ABCB10: variants seen among roughly 807,000 people sequenced by gnomAD.
The protein encoded by ABCB10 is ATP-binding cassette sub-family B member 10, mitochondrial.
ABCB10 carries 54 observed loss-of-function variants against 65.4 expected under a neutral mutation model. That is an observed-to-expected ratio of 0.83 (90% CI 0.66 to 1.04). ABCB10 has a LOEUF of 1.04. Ranked by LOEUF, ABCB10 falls within the 50% of genes least tolerant of loss-of-function variation. ABCB10 has a pLI of 0.00. For missense variants in ABCB10, 846 were observed against 976.6 expected (o/e 0.87, Z 1.78); for synonymous variants, 418 against 406.5 (o/e 1.03, Z -0.34).
chr1:229,548,956 C>T (rs1663035206), intron 2 of ABCB10, among the ~76,000 whole-genome samples: 1 of 152,164 alleles, frequency 6.6e-6, no homozygotes, highest in African/African-American at 2.4e-5. Flanking sequence ...CCACGGCACC[C>T]AGCCCGAGGG....
intron 6 of ABCB10, among the ~76,000 whole-genome samples, chr1:229,535,483 A>G (rs991822811): frequency 3.4e-4 from 52 of 152,250 alleles, no homozygotes; most frequent in Admixed American, 9.2e-4. Flanking sequence ...CAAATGCTAC[A>G]TACTGCAAGA....
Position 229,530,386 on chromosome 1 carries a change from T to C in ABCB10, c.1458A>G (p.Lys486=). The change falls in exon 8 of 13, where the codon AAA becomes AAG. Residue 486 remains lysine (K), a synonymous_variant. Coordinates refer to ENST00000344517, the MANE Select transcript of ABCB10 (RefSeq NM_012089.3). ...PFNEGVILNE[K]SFQGALEFKN... Reference sequence around the variant, plus strand: ...TAAACTCCAAAGCACCCTGGAAGCTTTTCTCATTTAAGATGACCCCCTCTG... The same window carrying C: ...TAAACTCCAAAGCACCCTGGAAGCTCTTCTCATTTAAGATGACCCCCTCTG... The C allele has an allele frequency of 1.9e-6, 3 of 1,614,094 alleles. No individual in the cohort carries two copies. The highest frequency in any genetic ancestry group is 2.5e-6 in the Non-Finnish European group (3 of 1,180,014).
At chr1:229,550,690 TA>T (rs11301432) in intron 1 of ABCB10, among the ~76,000 whole-genome samples, 43,087 of 138,366 alleles carry the variant, frequency 0.31, 7,740 homozygotes, top group African/African-American at 0.53. Flanking sequence ...CTGTCTCTAC[TA>T]AAAAAAAAAA....
chr1:229,548,148 T>C (rs950190670), intron 2 of ABCB10, among the ~76,000 whole-genome samples: 13 of 151,872 alleles, frequency 8.6e-5, no homozygotes, highest in Non-Finnish European at 1.9e-4. Context: ...ACTACAGATG[T>C]CCGCCACTAC....
chr1:229,541,046 G>A (rs978617026), intron 4 of ABCB10, among the ~76,000 whole-genome samples: 1 of 152,106 alleles, frequency 6.6e-6, no homozygotes, highest in African/African-American at 2.4e-5. Flanking sequence ...AAAAACAGGA[G>A]TATATGTAGA....
chr1:229,536,205 G>A (rs115308917), intron 6 of ABCB10, among the ~76,000 whole-genome samples: 2,459 of 150,938 alleles, frequency 0.016, 30 homozygotes, highest in Middle Eastern at 0.028. Context: ...AAAGAAAGAA[G>A]AAAAAAAAAG....
intron 7 of ABCB10, among the ~76,000 whole-genome samples, chr1:229,531,174 G>A (rs1316738795): frequency 6.6e-6 from 1 of 152,154 alleles, no homozygotes; most frequent in Non-Finnish European, 1.5e-5. Flanking sequence ...TCCAGCCAAT[G>A]AGTACCAGCC....
rs1662462110 is a variant in ABCB10 at position 229,527,082 on chromosome 1, A to G, written c.1725+147T>C. 3 of 720,892 alleles carry G rather than the reference A, an allele frequency of 4.2e-6. No individual in the cohort carries two copies. The East Asian group carries it at 7.6e-5, about 18-fold the overall frequency. The allele number at this position is 720,892 out of a possible 1,614,324, so 44.7% of individuals were successfully genotyped here. On this transcript the variant is annotated intron_variant, in intron 9 of 12. Transcript: ENST00000344517. ...GAAACAGCGCTACTTGCAAACCTAA[A>G]CAACCTGCCATGTGAGATGAGCTTA...
At chr1:229,541,329 C>A (rs967480909) in intron 4 of ABCB10, among the ~76,000 whole-genome samples, 1 of 152,078 alleles carries the variant, frequency 6.6e-6, no homozygotes, top group Non-Finnish European at 1.5e-5. Flanking sequence ...CAGGTTCAAG[C>A]GATTCTCCTG....
intron 6 of ABCB10, among the ~76,000 whole-genome samples, chr1:229,537,049 G>C (rs775200631): frequency 2.6e-5 from 4 of 152,154 alleles, no homozygotes; most frequent in Non-Finnish European, 4.4e-5. Flanking sequence ...GGCACAGGAG[G>C]ACATATATTG....
Position 229,518,244 on chromosome 1 carries a change from G to A in ABCB10, c.2152C>T (p.Leu718=), listed in dbSNP as rs911596560. ...TATATCCCATTTGGTTTTGAAAGCA[G>A]CTCTTCATGTTTTCCATATTCAGTA... ...KITEYGKHEE[L]LSKPNGIYRK... Residue 718 remains leucine, a synonymous_variant, in exon 13 of 13, where the codon CTG becomes TTG. Transcript: ENST00000344517. 1.3e-5 allele frequency: 21 copies of A among 1,613,960 alleles called. No homozygotes were observed. Among genetic ancestry groups the A allele is most frequent in the Non-Finnish European group, 1.8e-5 (21 of 1,180,010 alleles).
rs982826788 is a variant in ABCB10 at position 229,558,173 on chromosome 1, G to A, written c.480C>T (p.Leu160=). Reference sequence around the variant, plus strand: ...GGCGCTCAGGGTACGCCAGCCCCAGGAGCTTCCGGGCCTCCGGGAGTCCGG... The same window carrying A: ...GGCGCTCAGGGTACGCCAGCCCCAGAAGCTTCCGGGCCTCCGGGAGTCCGG... ...AAAGLPEARK[L]LGLAYPERRR... The change falls in exon 1 of 13, where the codon CTC becomes CTT. Residue 160 remains leucine, a synonymous_variant. Coordinates refer to ENST00000344517, the MANE Select transcript of ABCB10 (RefSeq NM_012089.3). 4.4e-5 allele frequency: 63 copies of A among 1,436,084 alleles called. No homozygotes were observed. Among genetic ancestry groups the A allele is most frequent in the Non-Finnish European group, 5.6e-5 (62 of 1,098,038 alleles). 89.0% of individuals were successfully genotyped at this position (1,436,084 alleles called of 1,614,324 possible).
At chr1:229,543,242 G>A (rs138016904) in intron 3 of ABCB10, among the ~76,000 whole-genome samples, 255 of 152,072 alleles carry the variant, frequency 1.7e-3, no homozygotes, top group African/African-American at 5.9e-3. Context: ...TCAGTGGACT[G>A]AAGTCAGCAG....
chr1:229,523,440 A>G (rs1216262351), intron 10 of ABCB10, among the ~76,000 whole-genome samples: 1 of 152,330 alleles, frequency 6.6e-6, no homozygotes, highest in East Asian at 1.9e-4. Context: ...TATTTCATAT[A>G]AGAGAGGTTC....
At chr1:229,552,725 T>C (rs1415657412) in intron 1 of ABCB10, among the ~76,000 whole-genome samples, 1 of 152,020 alleles carries the variant, frequency 6.6e-6, no homozygotes, top group Non-Finnish European at 1.5e-5. Context: ...CACTTCAGAG[T>C]CCTCACCATT....
intron 10 of ABCB10, among the ~76,000 whole-genome samples, chr1:229,525,463 T>TTTCCACATA (rs1156485897): frequency 1.3e-5 from 2 of 152,134 alleles, no homozygotes; most frequent in Non-Finnish European, 2.9e-5. Flanking sequence ...ACTGGGGAAT[T>TTTCCACATA]TTCCACATAT....
chr1:229,529,795 G>A (rs952158629), intron 8 of ABCB10, among the ~76,000 whole-genome samples: 2 of 151,660 alleles, frequency 1.3e-5, no homozygotes, highest in Non-Finnish European at 2.9e-5. Flanking sequence ...TCACTCCTGC[G>A]CCCAGCACGC....
At chr1:229,522,790 G>A (rs1187283991) in intron 10 of ABCB10, among the ~76,000 whole-genome samples, 7 of 152,200 alleles carry the variant, frequency 4.6e-5, no homozygotes, top group Non-Finnish European at 1.0e-4. Flanking sequence ...AAATGTCTGG[G>A]AGCAAAGGAC....
rs1230254939 is a variant in ABCB10 at position 229,517,179 on chromosome 1, A to T, written c.*1000T>A. 2.6e-5 allele frequency: 4 copies of T among 152,222 alleles called. No homozygotes were observed. The highest frequency in any genetic ancestry group is 4.4e-5 in the Non-Finnish European group (3 of 68,024). 9.4% of individuals were successfully genotyped at this position (152,222 alleles called of 1,614,324 possible). ...GGCTTATTAATATCTTCTTTTCAGG[A>T]GAGTGATACATTCTGAAGTTTTCTT... On this transcript the variant is annotated 3_prime_UTR_variant, in exon 13 of 13. Transcript: ENST00000344517.
Sources: allele counts gnomAD v4.1 joint callset (sites outside exome capture counted in the v4.1 genomes callset), GRCh38; gene constraint gnomAD v4.1.1; transcripts MANE v1.5; gene names NCBI Gene and HGNC (gene_info 2026-07-23, HGNC 2026-07-21).